Variants in OR51B5 observed in about 807,000 individuals in gnomAD.
OR51B5 encodes the protein olfactory receptor 51B5.
For synonymous variants in OR51B5, 186 were observed against 144.8 expected (o/e 1.28, Z -2.04); for missense variants, 456 against 374.6 (o/e 1.22, Z -1.79).
At position 5,454,153 on chromosome 11, in the gene OR51B5, T is replaced by C. The variant is rs757544936; in HGVS notation, n.84+51416A>G. 2.1e-5 allele frequency: 34 copies of C among 1,614,110 alleles called. No homozygotes were observed. In the South Asian group the frequency reaches 3.6e-4, roughly 17 times the overall value. On this transcript the variant is annotated intron_variant and non_coding_transcript_variant, in intron 1 of 4. Transcript: ENST00000415970. Reference sequence around the variant, plus strand: ...ATCTTCCTCTCCTATGTGCTCATTCTGCGTTCTGTCATGGCCACTGCTTCC... The same window carrying C: ...ATCTTCCTCTCCTATGTGCTCATTCCGCGTTCTGTCATGGCCACTGCTTCC...
chr11:5,451,042 T>C (rs983939162), intron 1 of OR51B5, among the ~76,000 whole-genome samples: 1 of 152,262 alleles, frequency 6.6e-6, no homozygotes, highest in Non-Finnish European at 1.5e-5. Flanking sequence ...GCTCTCAGTG[T>C]CCATATCTGT....
intron 1 of OR51B5, chr11:5,402,820 G>A (rs1909262): frequency 0.37 from 175,554 of 471,414 alleles, 33,312 homozygotes; most frequent in South Asian, 0.44. Flanking sequence ...GCCGAGGTTC[G>A]TGTCTCTGCA....
chr11:5,464,977 C>T (rs570296414), intron 1 of OR51B5, among the ~76,000 whole-genome samples: 24 of 152,144 alleles, frequency 1.6e-4, no homozygotes, highest in African/African-American at 2.9e-4. Flanking sequence ...GAGGCCGAGG[C>T]GGGCGGATCG....
At chr11:5,389,519 A>T (rs1293458716) in intron 1 of OR51B5, 2 of 1,613,850 alleles carry the variant, frequency 1.2e-6, no homozygotes, top group African/African-American at 1.3e-5. Flanking sequence ...CTGGATTTTC[A>T]TCCCCTTTTT....
intron 1 of OR51B5, among the ~76,000 whole-genome samples, chr11:5,363,661 C>T (rs1849321813): frequency 6.6e-6 from 1 of 152,132 alleles, no homozygotes; most frequent in Admixed American, 6.6e-5. Flanking sequence ...TTATGTGACA[C>T]AGAAAAAGAA....
At chr11:5,415,750 C>G (rs146043186) in intron 1 of OR51B5, among the ~76,000 whole-genome samples, 3,873 of 152,120 alleles carry the variant, frequency 0.025, 153 homozygotes, top group African/African-American at 0.085. Flanking sequence ...TCTGAATACA[C>G]CAATAACAGG....
At position 5,486,467 on chromosome 11, in the gene OR51B5, G is replaced by A. The variant is rs543806854; in HGVS notation, n.84+19102C>T. ...GAGACCTGAGGAGGAGGAGAGGGAA[G>A]AAATGTGGGGGCATGTGACACGAAA... is the stretch of plus-strand genomic sequence containing the variant. On this transcript the variant is annotated intron_variant and non_coding_transcript_variant, in intron 1 of 4. Transcript: ENST00000415970. Among the ~76,000 whole-genome samples the A allele has an allele frequency of 4.0e-5, 5 of 126,058 alleles. No individual in the cohort carries two copies. In the South Asian group the frequency reaches 1.5e-3, roughly 38 times the overall value. 82.7% of individuals were successfully genotyped at this position (126,058 alleles called of 152,430 possible). A position where few individuals can be genotyped will look rare whatever the true frequency, so the allele number is the denominator to read the frequency against.
chr11:5,380,410 G>A (rs889707537), intron 1 of OR51B5, among the ~76,000 whole-genome samples: 4 of 152,110 alleles, frequency 2.6e-5, no homozygotes, highest in African/African-American at 4.8e-5. Context: ...GACCCGCATC[G>A]ATCTCACACC....
At chr11:5,491,277 G>A (rs186203542) in intron 1 of OR51B5, among the ~76,000 whole-genome samples, 68 of 152,284 alleles carry the variant, frequency 4.5e-4, no homozygotes, top group Admixed American at 8.5e-4. Context: ...GAATCATGAC[G>A]AAGAGTATTT....
At chr11:5,426,435 T>G (rs1482526519) in intron 1 of OR51B5, among the ~76,000 whole-genome samples, 1 of 152,134 alleles carries the variant, frequency 6.6e-6, no homozygotes, top group Non-Finnish European at 1.5e-5. Flanking sequence ...AATCTAACTC[T>G]CTTATAGTTA....
At chr11:5,374,996 C>T (rs566709180) in intron 1 of OR51B5, among the ~76,000 whole-genome samples, 44 of 151,738 alleles carry the variant, frequency 2.9e-4, no homozygotes, top group African/African-American at 9.9e-4. Context: ...CACAAACATA[C>T]TCCTCGAGAA....
chr11:5,414,061 C>A (rs1161783723), intron 1 of OR51B5, among the ~76,000 whole-genome samples: 1 of 150,982 alleles, frequency 6.6e-6, no homozygotes, highest in African/African-American at 2.4e-5. Flanking sequence ...CAAAGGGAAG[C>A]CCATCAAACT....
At chr11:5,431,237 C>G (rs1337742374) in intron 1 of OR51B5, 1 of 341,960 alleles carries the variant, frequency 2.9e-6, no homozygotes, top group Non-Finnish European at 5.8e-6. Flanking sequence ...ACAAAGCGGT[C>G]ATAGCTCATG....
chr11:5,442,576 T>A (rs1295502507), intron 1 of OR51B5, among the ~76,000 whole-genome samples: 3 of 152,176 alleles, frequency 2.0e-5, no homozygotes, highest in South Asian at 2.1e-4. Context: ...TATGACCCTT[T>A]CCCAATTCTT....
chr11:5,493,204 A>G (rs996074016), intron 1 of OR51B5, among the ~76,000 whole-genome samples: 2 of 152,194 alleles, frequency 1.3e-5, no homozygotes, highest in Non-Finnish European at 2.9e-5. Context: ...CAGAATGAAG[A>G]TATGTATAAT....
chr11:5,382,012 C>A (rs1849615596), intron 1 of OR51B5, among the ~76,000 whole-genome samples: 1 of 152,192 alleles, frequency 6.6e-6, no homozygotes, highest in Non-Finnish European at 1.5e-5. Flanking sequence ...GTTTCCAGTG[C>A]AGACTTTAAA....
At chr11:5,488,715 T>A in intron 1 of OR51B5, 1 of 1,612,264 alleles carries the variant, frequency 6.2e-7, no homozygotes, top group Non-Finnish European at 8.5e-7. Context: ...GAATGTCAGA[T>A]TCCAACCTCA....
intron 1 of OR51B5, among the ~76,000 whole-genome samples, chr11:5,500,242 C>T (rs530030596): frequency 6.6e-6 from 1 of 152,282 alleles, no homozygotes; most frequent in South Asian, 2.1e-4. Context: ...TACTTGAAAC[C>T]GTTCTAAATC....
chr11:5,353,813 A>C (rs751789926), intron 1 of OR51B5, among the ~76,000 whole-genome samples: 3 of 152,226 alleles, frequency 2.0e-5, no homozygotes, highest in Non-Finnish European at 4.4e-5. Flanking sequence ...ACTCTTCATC[A>C]CAGAAAGGTG....
Sources: allele counts gnomAD v4.1 joint callset (sites outside exome capture counted in the v4.1 genomes callset), GRCh38; gene constraint gnomAD v4.1.1; transcripts MANE v1.5; gene names NCBI Gene and HGNC (gene_info 2026-07-23, HGNC 2026-07-21).